AKR1C8: variants seen among roughly 807,000 people sequenced by gnomAD.
AKR1C8 encodes the protein aldo-keto reductase family 1 member C8.
the AKR1C8 span, among the ~76,000 whole-genome samples, chr10:5,173,459 G>A: frequency 6.6e-6 from 1 of 151,942 alleles, no homozygotes; most frequent in Non-Finnish European, 1.5e-5. Flanking sequence ...AACCAAAGGG[G>A]GCAGAGGCTT....
chr10:5,176,115 A>C, the AKR1C8 span, among the ~76,000 whole-genome samples: 1 of 152,030 alleles, frequency 6.6e-6, no homozygotes, highest in East Asian at 1.9e-4. Context: ...TTTTAAGTCT[A>C]ACGTTTAAGT....
the AKR1C8 span, chr10:5,160,004 G>A: frequency 1.6e-5 from 6 of 367,820 alleles, 1 homozygote; most frequent in Non-Finnish European, 3.6e-5. Context: ...CTTCTCCAGG[G>A]CCTGGGGAGG....
At chr10:5,169,601 A>C in the AKR1C8 span, among the ~76,000 whole-genome samples, 1 of 142,772 alleles carries the variant, frequency 7.0e-6, no homozygotes, top group East Asian at 2.1e-4. Context: ...TTTTTTTTTT[A>C]TTGTTAGTAA....
At chr10:5,161,998 TG>T in the AKR1C8 span, 1 of 527,324 alleles carries the variant, frequency 1.9e-6, no homozygotes, top group East Asian at 5.5e-5. Context: ...GAAACAAAAA[TG>T]GATTATAATT....
the AKR1C8 span, among the ~76,000 whole-genome samples, chr10:5,139,785 G>A: frequency 6.6e-6 from 1 of 152,018 alleles, no homozygotes; most frequent in Non-Finnish European, 1.5e-5. Context: ...GGCAACAAAA[G>A]CCAAAATAGA....
chr10:5,166,532 T>TG, the AKR1C8 span, among the ~76,000 whole-genome samples: 6 of 152,216 alleles, frequency 3.9e-5, no homozygotes, highest in Non-Finnish European at 8.8e-5. Context: ...AAACAAGAAA[T>TG]GGGGAAATGA....
chr10:5,150,980 G>A, the AKR1C8 span, among the ~76,000 whole-genome samples: 2 of 152,134 alleles, frequency 1.3e-5, no homozygotes, highest in South Asian at 4.1e-4. Flanking sequence ...AAGACTCAGG[G>A]GTTGGAATTT....
chr10:5,155,665 C>A, the AKR1C8 span: 1 of 466,956 alleles, frequency 2.1e-6, no homozygotes, highest in Non-Finnish European at 4.5e-6. Context: ...AATCTACAAG[C>A]ATCACTTACA....
chr10:5,156,525 G>GATCTATCGATCT, the AKR1C8 span, among the ~76,000 whole-genome samples: 1 of 140,934 alleles, frequency 7.1e-6, no homozygotes, highest in Admixed American at 7.5e-5. Flanking sequence ...GAAAGACTCA[G>GATCTATCGATCT]ATCTATCTAT....
chr10:5,161,041 G>T, the AKR1C8 span, among the ~76,000 whole-genome samples: 1 of 152,112 alleles, frequency 6.6e-6, no homozygotes, highest in South Asian at 2.1e-4. Flanking sequence ...TTGCATGCAC[G>T]TGTGCATGTG....
chr10:5,137,825 G>T, the AKR1C8 span, among the ~76,000 whole-genome samples: 1 of 152,124 alleles, frequency 6.6e-6, no homozygotes, highest in Admixed American at 6.6e-5. Flanking sequence ...CGTGATGCCT[G>T]CCTGAGCCTC....
the AKR1C8 span, among the ~76,000 whole-genome samples, chr10:5,158,931 T>A: frequency 3.9e-5 from 6 of 152,310 alleles, no homozygotes; most frequent in Non-Finnish European, 7.4e-5. Flanking sequence ...TGTTTGAAAA[T>A]TATTAAAATA....
chr10:5,116,223 T>TAC, the AKR1C8 span, among the ~76,000 whole-genome samples: 2 of 152,208 alleles, frequency 1.3e-5, no homozygotes. Flanking sequence ...GCCAACACTG[T>TAC]ACCTCCCTTC....
At chr10:5,172,148 A>C in the AKR1C8 span, among the ~76,000 whole-genome samples, 1 of 152,100 alleles carries the variant, frequency 6.6e-6, no homozygotes, top group Non-Finnish European at 1.5e-5. Context: ...CAAGTTGTAC[A>C]GCTAACAGTT....
the AKR1C8 span, among the ~76,000 whole-genome samples, chr10:5,135,979 T>C: frequency 6.6e-6 from 1 of 152,186 alleles, no homozygotes; most frequent in Non-Finnish European, 1.5e-5. Context: ...ATGCAGAAAT[T>C]ATGACATGAT....
chr10:5,140,077 C>T, the AKR1C8 span, among the ~76,000 whole-genome samples: 1 of 152,204 alleles, frequency 6.6e-6, no homozygotes, highest in Non-Finnish European at 1.5e-5. Context: ...CAGAGAAATG[C>T]AAATCAAAAC....
the AKR1C8 span, among the ~76,000 whole-genome samples, chr10:5,125,172 C>A: frequency 6.6e-6 from 1 of 151,932 alleles, no homozygotes; most frequent in East Asian, 1.9e-4. Context: ...TACTTAATAT[C>A]TTTTTATATT....
chr10:5,177,820 G>A, the AKR1C8 span, among the ~76,000 whole-genome samples: 6 of 152,116 alleles, frequency 3.9e-5, no homozygotes, highest in African/African-American at 1.2e-4. Flanking sequence ...GGGATCGGTG[G>A]TGATATCCCC....
the AKR1C8 span, among the ~76,000 whole-genome samples, chr10:5,145,758 A>G: frequency 6.6e-6 from 1 of 151,784 alleles, no homozygotes; most frequent in Non-Finnish European, 1.5e-5. Context: ...TGGGACTGTC[A>G]ACTAGTTCAA....
Sources: gnomAD v4.1 joint callset for allele counts (sites outside exome capture counted in the v4.1 genomes callset) on GRCh38, gnomAD v4.1.1 for gene constraint, MANE v1.5 for transcripts, NCBI Gene and HGNC (gene_info 2026-07-23, HGNC 2026-07-21) for gene names.